The following SIMC1 variants were observed in gnomAD, a reference collection of about 807,000 sequenced individuals.
SIMC1 encodes the protein SUMO-interacting motif-containing protein 1.
Under a neutral mutation model 82.3 loss-of-function variants are expected in SIMC1, and 55 were observed. The observed-to-expected ratio is 0.67, with a 90% CI of 0.54 to 0.84. The LOEUF is 0.84. Ranked by LOEUF, SIMC1 falls within the 40% of genes least tolerant of loss-of-function variation. SIMC1 has a pLI of 0.00. For missense variants in SIMC1, 915 were observed against 1,107.2 expected (o/e 0.83, Z 2.46); for synonymous variants, 353 against 426.3 (o/e 0.83, Z 2.12).
intron 5 of SIMC1, among the ~76,000 whole-genome samples, chr5:176,320,943 A>T (rs1689254104): frequency 6.6e-6 from 1 of 152,020 alleles, no homozygotes; most frequent in African/African-American, 2.4e-5. Context: ...TAATTTTGTA[A>T]TCAGCATCTC....
Position 176,299,812 on chromosome 5 carries a change from A to G in SIMC1, c.1734+3492A>G, listed in dbSNP as rs533381988. On this transcript the variant is annotated intron_variant, in intron 4 of 9. Coordinates refer to ENST00000429602, the MANE Select transcript of SIMC1 (RefSeq NM_001308195.2). Reference sequence around the variant, plus strand: ...CATACACAGAACATTCCACCCAACAACAGCAGAACACACATTCTTCTCAAG... The same window carrying G: ...CATACACAGAACATTCCACCCAACAGCAGCAGAACACACATTCTTCTCAAG... Among the ~76,000 whole-genome samples the G allele has an allele frequency of 5.9e-5, 9 of 152,334 alleles. No individual in the cohort carries two copies. In the South Asian group the frequency reaches 1.9e-3, roughly 32 times the overall value.
intron 1 of SIMC1, chr5:176,263,326 TG>T: frequency 2.3e-6 from 2 of 883,746 alleles, no homozygotes; most frequent in Admixed American, 6.3e-5. Flanking sequence ...TCAGAATAGC[TG>T]TCTTAGTTCA....
Position 176,345,194 on chromosome 5 carries a change from A to T in SIMC1, c.2425A>T (p.Ser809Cys). 6.2e-7 allele frequency: 1 copy of T among 1,613,870 alleles called. No homozygotes were observed. The highest frequency in any genetic ancestry group is 8.5e-7 in the Non-Finnish European group (1 of 1,179,812). ...TTTCCCTCTTGCAGAACACTTAAGG[A>T]GTTCCGTGATCGACCGAAAGGACTT... The part of the protein sequence containing the change: ...YQHVLREHLR[S>C]SVIDRKDLII... The change falls in exon 10 of 10, where the codon AGT (serine) becomes TGT (cysteine). Residue 809 changes from serine (S) to cysteine (C), a missense_variant. By Grantham distance (112) the Ser-to-Cys change is moderately radical. Around this residue, in one of 2 missense-constraint regions of SIMC1, gnomAD observed 902 missense variants for 1,040.3 expected, o/e 0.87. Coordinates refer to ENST00000429602, the MANE Select transcript of SIMC1 (RefSeq NM_001308195.2).
intron 1 of SIMC1, chr5:176,263,363 T>TGA (rs1032439819): frequency 7.0e-7 from 1 of 1,427,112 alleles, no homozygotes; most frequent in Non-Finnish European, 9.4e-7. Context: ...AGGGAATACC[T>TGA]GAGGCTGAGT....
chr5:176,323,838 A>T (rs1422144009), intron 6 of SIMC1, among the ~76,000 whole-genome samples: 1 of 151,794 alleles, frequency 6.6e-6, no homozygotes, highest in Non-Finnish European at 1.5e-5. Flanking sequence ...AATACAAAAA[A>T]ATAGCCGGGC....
intron 7 of SIMC1, among the ~76,000 whole-genome samples, chr5:176,334,878 G>T (rs1337383992): frequency 6.6e-6 from 1 of 152,074 alleles, no homozygotes; most frequent in Non-Finnish European, 1.5e-5. Context: ...GATCACCTGA[G>T]GTCAGGAGTT....
At chr5:176,288,419 GAATGAATAAATAAATA>G (rs949456321) in intron 1 of SIMC1, among the ~76,000 whole-genome samples, 3 of 104,484 alleles carry the variant, frequency 2.9e-5, no homozygotes, top group Non-Finnish European at 6.7e-5. Flanking sequence ...AAGAATGAAT[GAATGAATAAATAAATA>G]AATAAATAAA....
chr5:176,341,790 T>A (rs1161657515), intron 9 of SIMC1, among the ~76,000 whole-genome samples: 1 of 152,112 alleles, frequency 6.6e-6, no homozygotes, highest in East Asian at 1.9e-4. Context: ...AAATAATAAT[T>A]AACTCTTGTA....
rs566699597 is a variant in SIMC1 at position 176,329,043 on chromosome 5, A to G, written c.2171+4286A>G. 1.6e-4 allele frequency among the ~76,000 whole-genome samples: 25 copies of G among 152,312 alleles called. No individual in the cohort carries two copies. In the South Asian group the frequency reaches 1.7e-3, roughly 10 times the overall value. ...GGAACTATAACTATAGTACAATATC[A>G]CAAATAGGAAATTTACATTGGTACA... On this transcript the variant is annotated intron_variant, in intron 7 of 9. Coordinates refer to ENST00000429602, the MANE Select transcript of SIMC1 (RefSeq NM_001308195.2).
At chr5:176,240,837 A>G (rs1351495803) in intron 1 of SIMC1, among the ~76,000 whole-genome samples, 2 of 92,142 alleles carry the variant, frequency 2.2e-5, no homozygotes, top group East Asian at 5.8e-4. Flanking sequence ...ATTAATGCCT[A>G]CCTAGCAGGA....
At chr5:176,252,428 C>T (rs541614468) in intron 1 of SIMC1, among the ~76,000 whole-genome samples, 6 of 147,704 alleles carry the variant, frequency 4.1e-5, no homozygotes, top group South Asian at 4.4e-4. Context: ...TCAGACAGGG[C>T]GGCCGGGCAG....
chr5:176,338,541 A>G (rs4551089), intron 9 of SIMC1, among the ~76,000 whole-genome samples: 21,023 of 152,094 alleles, frequency 0.14, 1,490 homozygotes, highest in Middle Eastern at 0.21. Context: ...TAAATTCCCT[A>G]TTTTTGATAA....
rs183443527 is a variant in SIMC1, at chr5:176,262,749, G to C, written c.129+24112G>C. Among the ~76,000 whole-genome samples, 12 of 152,346 alleles carry C rather than the reference G, an allele frequency of 7.9e-5. No homozygotes were observed. In the East Asian group the frequency reaches 2.1e-3, roughly 27 times the overall value. ...GAACCCAGGAAGCAGAGGTTGCAAT[G>C]AGCCGAGATTGCACCACTGCGCCCC... is the stretch of plus-strand genomic sequence containing the variant. On this transcript the variant is annotated intron_variant, in intron 1 of 9. Coordinates refer to ENST00000429602, the MANE Select transcript of SIMC1 (RefSeq NM_001308195.2).
At chr5:176,305,499 G>A (rs1371731679) in intron 4 of SIMC1, among the ~76,000 whole-genome samples, 14 of 118,636 alleles carry the variant, frequency 1.2e-4, no homozygotes, top group Non-Finnish European at 7.3e-5. Context: ...GAGCCCCTCA[G>A]CCCGGCCAGC....
chr5:176,321,176 C>A (rs1293123004), intron 5 of SIMC1, among the ~76,000 whole-genome samples: 1 of 152,090 alleles, frequency 6.6e-6, no homozygotes, highest in Non-Finnish European at 1.5e-5. Context: ...ACTTTAGTTC[C>A]TTTAGCTCTA....
chr5:176,316,973 G>A (rs561308241), intron 5 of SIMC1, among the ~76,000 whole-genome samples: 164 of 152,278 alleles, frequency 1.1e-3, no homozygotes, highest in Middle Eastern at 3.4e-3. Flanking sequence ...GGCAACAGAG[G>A]AAGACTCTAT....
At chr5:176,293,747 C>CAAA (rs531149436) in intron 2 of SIMC1, among the ~76,000 whole-genome samples, 3 of 111,100 alleles carry the variant, frequency 2.7e-5, no homozygotes, top group African/African-American at 9.3e-5. Context: ...GACTTCATCT[C>CAAA]AAAAAAAAAA....
At chr5:176,269,060 T>C (rs1163080687) in intron 1 of SIMC1, among the ~76,000 whole-genome samples, 2 of 152,204 alleles carry the variant, frequency 1.3e-5, no homozygotes, top group African/African-American at 4.8e-5. Flanking sequence ...TCACATACTT[T>C]TAAAAATTGT....
At chr5:176,296,094 C>T (rs1032366940) in intron 3 of SIMC1, 157 bp from the exon 4 acceptor site, 18 of 1,310,250 alleles carry the variant, frequency 1.4e-5, no homozygotes, top group Non-Finnish European at 1.7e-5. Flanking sequence ...TGAAGTTCCA[C>T]TACTCTCAGA....
Sources: gnomAD v4.1 joint callset for allele counts (sites outside exome capture counted in the v4.1 genomes callset) on GRCh38, gnomAD v4.1.1 for gene constraint, gnomAD v4.1.1 regional missense constraint, MANE v1.5 for transcripts, NCBI Gene and HGNC (gene_info 2026-07-23, HGNC 2026-07-21) for gene names.